The following BTRC variants were observed in gnomAD, a reference collection of about 807,000 sequenced individuals.
BTRC encodes F-box/WD repeat-containing protein 1A.
In BTRC, 42 loss-of-function variants were observed where a neutral mutation model predicts 85.5. The ratio of observed to expected loss-of-function variants is 0.49; its 90% CI spans 0.38 to 0.64. BTRC has a LOEUF of 0.64. Ranked by LOEUF, BTRC falls within the 30% of genes least tolerant of loss-of-function variation. BTRC has a pLI of 0.00. For missense variants in BTRC, 594 were observed against 743.5 expected (o/e 0.80, Z 2.34); for synonymous variants, 255 against 263.3 (o/e 0.97, Z 0.30).
At chr10:101,370,522 G>A (rs975939368) in intron 1 of BTRC, among the ~76,000 whole-genome samples, 1 of 152,112 alleles carries the variant, frequency 6.6e-6, no homozygotes, top group African/African-American at 2.4e-5. Context: ...GTTTATTGTA[G>A]TCAAAATGTA....
chr10:101,407,603 C>G (rs953706475), intron 1 of BTRC, among the ~76,000 whole-genome samples: 1 of 152,170 alleles, frequency 6.6e-6, no homozygotes, highest in Non-Finnish European at 1.5e-5. Context: ...GTTGCCCAAG[C>G]TGGTCTTGAA....
chr10:101,540,041 T>C (rs996783716), intron 13 of BTRC, among the ~76,000 whole-genome samples: 2 of 152,236 alleles, frequency 1.3e-5, no homozygotes, highest in Non-Finnish European at 2.9e-5. Flanking sequence ...TTATCAGATG[T>C]AATTCACAAG....
intron 2 of BTRC, among the ~76,000 whole-genome samples, chr10:101,451,312 C>G (rs1229804924): frequency 6.6e-6 from 1 of 152,094 alleles, no homozygotes; most frequent in African/African-American, 2.4e-5. Flanking sequence ...CTTCCTTCCT[C>G]TATTTTCAAG....
Position 101,494,806 on chromosome 10 carries a change from TTC to T in BTRC, c.324+15351_324+15352del, listed in dbSNP as rs535683277. Among the ~76,000 whole-genome samples the T allele has an allele frequency of 2.7e-4, 41 of 152,344 alleles. No individual in the cohort carries two copies. In the East Asian group the frequency reaches 3.7e-3, roughly 14 times the overall value. ...ATTGAACTTTTAATACCTGCTCAAA[TTC>T]TGTCTGGATTGCAGAGGATTACAGC... On this transcript the variant is annotated intron_variant, in intron 4 of 14. Coordinates refer to ENST00000370187, the MANE Select transcript of BTRC (RefSeq NM_033637.4).
chr10:101,395,459 G>C (rs1943340570), intron 1 of BTRC, among the ~76,000 whole-genome samples: 1 of 152,018 alleles, frequency 6.6e-6, no homozygotes, highest in South Asian at 2.1e-4. Context: ...TCATTTTCCT[G>C]AGTGTGGAAA....
At chr10:101,363,741 G>A (rs146326567) in intron 1 of BTRC, among the ~76,000 whole-genome samples, 4 of 152,272 alleles carry the variant, frequency 2.6e-5, no homozygotes, top group Non-Finnish European at 5.9e-5. Flanking sequence ...CTTCATATTA[G>A]ATCTTGATGA....
At chr10:101,501,858 T>C (rs1946407273) in intron 4 of BTRC, among the ~76,000 whole-genome samples, 1 of 152,314 alleles carries the variant, frequency 6.6e-6, no homozygotes, top group African/African-American at 2.4e-5. Context: ...TTCATTTTCT[T>C]ATTACAACCC....
chr10:101,406,991 C>G (rs1328161382), intron 1 of BTRC, among the ~76,000 whole-genome samples: 1 of 152,150 alleles, frequency 6.6e-6, no homozygotes, highest in Non-Finnish European at 1.5e-5. Context: ...TATACTTGCA[C>G]TGTCCAATAG....
In BTRC at chr10:101,462,072, C is replaced by G. The variant is rs757945127; in HGVS notation, c.234+14C>G. 2 of 1,587,110 alleles carry G rather than the reference C, an allele frequency of 1.3e-6. No individual in the cohort carries two copies. The highest frequency in any genetic ancestry group is 1.7e-4 in the Middle Eastern group (1 of 5,960). On this transcript the variant is annotated intron_variant, in intron 3 of 14. Coordinates refer to ENST00000370187, the MANE Select transcript of BTRC (RefSeq NM_033637.4). Reference sequence around the variant, plus strand: ...TCACTTAGACAGGTATGAAATTCAGCCTTACTTAAAATAAAAAGCTACCAA... The same window carrying G: ...TCACTTAGACAGGTATGAAATTCAGGCTTACTTAAAATAAAAAGCTACCAA...
In BTRC at chr10:101,535,467, T is replaced by C; in HGVS notation, c.1461T>C (p.Thr487=). 6.2e-7 allele frequency: 1 copy of C among 1,608,554 alleles called. No homozygotes were observed. Among genetic ancestry groups the C allele is most frequent in the Non-Finnish European group, 8.5e-7 (1 of 1,175,668 alleles). Residue 487 remains threonine (T), a synonymous_variant, in exon 11 of 15, where the codon ACT becomes ACC. Coordinates refer to ENST00000370187, the MANE Select transcript of BTRC (RefSeq NM_033637.4). ...RLVVSGSSDN[T]IRLWDIECGA... ...TAGTGAGTGGCTCATCTGACAACAC[T>C]ATCAGGTGAGCAGCAAGTGCCTTGT...
At chr10:101,470,826 CGTAATTTCATTCA>C (rs1185308460) in intron 3 of BTRC, among the ~76,000 whole-genome samples, 1 of 152,114 alleles carries the variant, frequency 6.6e-6, no homozygotes, top group Non-Finnish European at 1.5e-5. Flanking sequence ...TTATTTTTGC[CGTAATTTCATTCA>C]GTTGTTTCAG....
Position 101,531,323 on chromosome 10 carries a change from A to G in BTRC, c.830A>G (p.Gln277Arg), listed in dbSNP as rs756766939. Residue 277 changes from glutamine to arginine, a missense_variant, in exon 7 of 15, where the codon CAA (glutamine) becomes CGA (arginine). Physicochemically the swap from Gln to Arg is conservative, Grantham distance 43. Around this residue, in one of 4 missense-constraint regions of BTRC, gnomAD observed 373 missense variants for 503.6 expected, o/e 0.74. Coordinates refer to ENST00000370187, the MANE Select transcript of BTRC (RefSeq NM_033637.4). ...AGAGCACTTTATCCTAAAATTATAC[A>G]AGACATTGAGGTAAGAATCTATGTA... The part of the protein sequence containing the change: ...FYRALYPKII[Q>R]DIETIESNWR... 6.3e-7 allele frequency: 1 copy of G among 1,597,104 alleles called. No homozygotes were observed. Among genetic ancestry groups the G allele is most frequent in the African/African-American group, 1.3e-5 (1 of 74,662 alleles).
chr10:101,446,429 T>C (rs1197635369), intron 2 of BTRC, among the ~76,000 whole-genome samples: 1 of 152,184 alleles, frequency 6.6e-6, no homozygotes, highest in African/African-American at 2.4e-5. Context: ...AAGCAAATTA[T>C]CCAGTACATT....
At chr10:101,489,118 C>T (rs1378110369) in intron 4 of BTRC, among the ~76,000 whole-genome samples, 1 of 152,112 alleles carries the variant, frequency 6.6e-6, no homozygotes, top group East Asian at 1.9e-4. Flanking sequence ...GAACAGAAAT[C>T]TGATTTTTTG....
intron 4 of BTRC, among the ~76,000 whole-genome samples, chr10:101,500,908 C>G (rs868653159): frequency 6.6e-5 from 10 of 151,948 alleles, no homozygotes; most frequent in Non-Finnish European, 1.3e-4. Flanking sequence ...TTTTAAAATT[C>G]GAGGGCCAGG....
chr10:101,368,282 G>A (rs1251568698), intron 1 of BTRC, among the ~76,000 whole-genome samples: 6 of 152,098 alleles, frequency 3.9e-5, no homozygotes, highest in Non-Finnish European at 8.8e-5. Context: ...GCCCTCCACC[G>A]TGAGTGGAAG....
chr10:101,484,105 T>C (rs1407494612), intron 4 of BTRC, among the ~76,000 whole-genome samples: 1 of 152,220 alleles, frequency 6.6e-6, no homozygotes, highest in Non-Finnish European at 1.5e-5. Context: ...AATAAACCCC[T>C]TCAGTAGCCC....
intron 1 of BTRC, among the ~76,000 whole-genome samples, chr10:101,367,663 G>T (rs1478630949): frequency 7.2e-5 from 11 of 152,074 alleles, no homozygotes; most frequent in Non-Finnish European, 1.2e-4. Flanking sequence ...TAGTTTTACT[G>T]TTATTGGTAT....
At chr10:101,359,799 C>G (rs1310175271) in intron 1 of BTRC, among the ~76,000 whole-genome samples, 2 of 152,012 alleles carry the variant, frequency 1.3e-5, no homozygotes, top group African/African-American at 4.8e-5. Context: ...AGGGCTTTTC[C>G]ATGTTGGTCA....
Sources: allele counts gnomAD v4.1 joint callset (sites outside exome capture counted in the v4.1 genomes callset), GRCh38; gene constraint gnomAD v4.1.1; regional missense constraint gnomAD v4.1.1; transcripts MANE v1.5; gene names NCBI Gene and HGNC (gene_info 2026-07-23, HGNC 2026-07-21).